The following KCNQ5 variants were observed in gnomAD, a reference collection of about 807,000 sequenced individuals.
The protein encoded by KCNQ5 is potassium voltage-gated channel subfamily KQT member 5.
KCNQ5 carries 30 observed loss-of-function variants against 98.2 expected under a neutral mutation model. The observed-to-expected ratio is 0.31, with a 90% CI of 0.23 to 0.41. The LOEUF is 0.41. KCNQ5 is among the 10% of genes least tolerant of loss of function. The pLI, the probability that KCNQ5 is intolerant of heterozygous loss-of-function variation, is 1.00. For missense variants in KCNQ5, 835 were observed against 1,182.5 expected (o/e 0.71, Z 4.31); for synonymous variants, 458 against 449.4 (o/e 1.02, Z -0.24).
At chr6:72,660,414 C>A (rs776661435) in intron 1 of KCNQ5, among the ~76,000 whole-genome samples, 10 of 152,172 alleles carry the variant, frequency 6.6e-5, no homozygotes, top group Non-Finnish European at 1.3e-4. Flanking sequence ...AACCTCTTAA[C>A]ATGGTATACT....
At chr6:72,957,700 G>A (rs905220365) in intron 1 of KCNQ5, among the ~76,000 whole-genome samples, 5 of 152,114 alleles carry the variant, frequency 3.3e-5, no homozygotes, top group East Asian at 3.9e-4. Flanking sequence ...AAATGCCTCC[G>A]TTCCATAGCA....
chr6:73,179,270 C>A (rs1384891696), intron 11 of KCNQ5, among the ~76,000 whole-genome samples: 1 of 152,020 alleles, frequency 6.6e-6, no homozygotes, highest in Non-Finnish European at 1.5e-5. Flanking sequence ...TGAGGGCCTT[C>A]TTGTTGGTGG....
chr6:72,652,019 T>C (rs980050864), intron 1 of KCNQ5, among the ~76,000 whole-genome samples: 1 of 152,074 alleles, frequency 6.6e-6, no homozygotes, highest in African/African-American at 2.4e-5. Flanking sequence ...GCGGCTTTTA[T>C]AAGCTTTATT....
At chr6:72,944,158 TA>T (rs1441820010) in intron 1 of KCNQ5, among the ~76,000 whole-genome samples, 1 of 152,230 alleles carries the variant, frequency 6.6e-6, no homozygotes, top group East Asian at 1.9e-4. Context: ...ATGGTTCCAG[TA>T]AATATTCAAT....
At chr6:73,035,814 T>C (rs1265062098) in intron 2 of KCNQ5, among the ~76,000 whole-genome samples, 1 of 152,180 alleles carries the variant, frequency 6.6e-6, no homozygotes, top group African/African-American at 2.4e-5. Flanking sequence ...GAGATAATTG[T>C]AGATTCACAT....
intron 1 of KCNQ5, among the ~76,000 whole-genome samples, chr6:72,810,374 A>T (rs1448398844): frequency 2.0e-5 from 3 of 152,256 alleles, no homozygotes; most frequent in Non-Finnish European, 4.4e-5. Flanking sequence ...ATAGATCTAA[A>T]CACTAGAGCT....
intron 1 of KCNQ5, among the ~76,000 whole-genome samples, chr6:72,718,832 T>C (rs1769800001): frequency 6.6e-6 from 1 of 152,188 alleles, no homozygotes; most frequent in Non-Finnish European, 1.5e-5. Flanking sequence ...AATGATAGTT[T>C]CTCCTCAGCT....
intron 1 of KCNQ5, among the ~76,000 whole-genome samples, chr6:72,728,148 G>A (rs903841127): frequency 6.6e-6 from 1 of 152,138 alleles, no homozygotes; most frequent in African/African-American, 2.4e-5. Flanking sequence ...ATAACATATG[G>A]TATAGCTATG....
At chr6:72,987,724 TC>T in intron 1 of KCNQ5, 1 of 545,282 alleles carries the variant, frequency 1.8e-6, no homozygotes, top group Non-Finnish European at 3.3e-6. Flanking sequence ...TAGGAACGCT[TC>T]CAAGTTAGCC....
chr6:72,929,681 T>C (rs1765603780), intron 1 of KCNQ5, among the ~76,000 whole-genome samples: 1 of 152,102 alleles, frequency 6.6e-6, no homozygotes, highest in African/African-American at 2.4e-5. Flanking sequence ...AACCAGAAGT[T>C]TTATTAAACT....
At chr6:73,109,429 G>C (rs1024864280) in intron 6 of KCNQ5, among the ~76,000 whole-genome samples, 2 of 152,018 alleles carry the variant, frequency 1.3e-5, no homozygotes, top group African/African-American at 4.8e-5. Flanking sequence ...GCACATAAAT[G>C]CATGTATATA....
rs183890639 is a variant in KCNQ5 at position 72,703,139 on chromosome 6, C to T, written c.398+80552C>T. ...CAAGCTTTTATTAGAGCAGACTATA[C>T]TCCTTGTGTGCAGAAGTGGTGGTTA... On this transcript the variant is annotated intron_variant, in intron 1 of 13. Coordinates refer to ENST00000370398, the MANE Select transcript of KCNQ5 (RefSeq NM_019842.4). Among the ~76,000 whole-genome samples, 36 of 152,338 alleles carry T rather than the reference C, an allele frequency of 2.4e-4. No individual in the cohort carries two copies. In the East Asian group the frequency reaches 3.5e-3, roughly 15 times the overall value.
chr6:73,042,498 A>T (rs1232843712), intron 3 of KCNQ5, among the ~76,000 whole-genome samples: 3 of 152,210 alleles, frequency 2.0e-5, no homozygotes, highest in Non-Finnish European at 2.9e-5. Flanking sequence ...ACACCAGTTT[A>T]TGCTCTGGAT....
chr6:72,922,812 T>A (rs1358483852), intron 1 of KCNQ5, among the ~76,000 whole-genome samples: 1 of 126,784 alleles, frequency 7.9e-6, no homozygotes, highest in Non-Finnish European at 1.6e-5. Flanking sequence ...TTCTTTTTCT[T>A]TTTTTTTTTT....
chr6:72,754,943 G>A (rs762733314), intron 1 of KCNQ5, among the ~76,000 whole-genome samples: 1 of 151,322 alleles, frequency 6.6e-6, no homozygotes, highest in Admixed American at 6.6e-5. Context: ...TTTTTTTTTA[G>A]TTCTCTCAGT....
chr6:72,806,798 G>A (rs1322257423), intron 1 of KCNQ5: 7 of 451,240 alleles, frequency 1.6e-5, no homozygotes, highest in African/African-American at 4.0e-5. Context: ...TCCTTGCATG[G>A]TAAACCACTG....
At chr6:73,054,635 G>T (rs1772384871) in intron 3 of KCNQ5, among the ~76,000 whole-genome samples, 1 of 152,134 alleles carries the variant, frequency 6.6e-6, no homozygotes, top group African/African-American at 2.4e-5. Flanking sequence ...TTTTGATAAA[G>T]TTCAACATCC....
At chr6:73,068,813 A>G (rs1383665467) in intron 3 of KCNQ5, among the ~76,000 whole-genome samples, 1 of 152,250 alleles carries the variant, frequency 6.6e-6, no homozygotes, top group Non-Finnish European at 1.5e-5. Flanking sequence ...AAAAAACAAT[A>G]GTTTAATAAG....
At chr6:73,042,273 T>C in intron 3 of KCNQ5, 1 of 581,832 alleles carries the variant, frequency 1.7e-6, no homozygotes, top group Non-Finnish European at 3.0e-6. Flanking sequence ...CATTTTACAG[T>C]TGAAGAATTT....
Sources: gnomAD v4.1 joint callset for allele counts (sites outside exome capture counted in the v4.1 genomes callset) on GRCh38, gnomAD v4.1.1 for gene constraint, MANE v1.5 for transcripts, NCBI Gene and HGNC (gene_info 2026-07-23, HGNC 2026-07-21) for gene names.